The following KCTD15 variants were observed in gnomAD, a reference collection of about 807,000 sequenced individuals.
KCTD15 encodes potassium channel tetramerization domain containing 15.
In KCTD15, 11 loss-of-function variants were observed where a neutral mutation model predicts 27.2. The ratio of observed to expected loss-of-function variants is 0.41; its 90% CI spans 0.25 to 0.67. The LOEUF is 0.67. Among genes scored for constraint, KCTD15 ranks in the 30% least tolerant of loss-of-function variants. The pLI is 0.35. For synonymous variants in KCTD15, 163 were observed against 176.0 expected, an observed-to-expected ratio of 0.93 and a Z score of 0.58; for missense variants, 350 against 409.3, an observed-to-expected ratio of 0.86 and a Z score of 1.25.
At chr19:33,809,635 G>A (rs965345015) in intron 5 of KCTD15, among the ~76,000 whole-genome samples, 1 of 152,312 alleles carries the variant, frequency 6.6e-6, no homozygotes, top group East Asian at 1.9e-4. Flanking sequence ...GCTTTGGGAG[G>A]CCAAGCAGGA....
rs761940449 is a variant in KCTD15 at position 33,811,421 on chromosome 19, G to A, written c.562G>A (p.Ala188Thr). ...GCGGATCGCACTCAGCGGCGAGAAGGCCCTCATCGAGGAGGTCTTCCCCGA... is the reference window on the plus strand; with the variant it reads ...GCGGATCGCACTCAGCGGCGAGAAGACCCTCATCGAGGAGGTCTTCCCCGA... ...GERIALSGEK[A>T]LIEEVFPETG... is the part of the protein sequence containing the mutation. Residue 188 changes from alanine to threonine, a missense_variant, in exon 6 of 7, where the codon GCC becomes ACC. Physicochemically the swap from Ala to Thr is moderately conservative, Grantham distance 58. Coordinates refer to ENST00000683859, the MANE Select transcript of KCTD15 (RefSeq NM_001129994.2). 2.8e-5 allele frequency: 45 copies of A among 1,611,498 alleles called. 1 individual carries two copies. The Middle Eastern group carries it at 9.9e-4, about 35-fold the overall frequency.
At chr19:33,809,737 G>A (rs1402236789) in intron 5 of KCTD15, among the ~76,000 whole-genome samples, 1 of 152,088 alleles carries the variant, frequency 6.6e-6, no homozygotes. Context: ...CTGGCATGAT[G>A]GCTCATGCCT....
At chr19:33,794,451 T>C (rs564294678), upstream of KCTD15, among the ~76,000 whole-genome samples, 1 of 152,284 alleles carries the variant, frequency 6.6e-6, no homozygotes, top group South Asian at 2.1e-4. Flanking sequence ...TTTATATGTA[T>C]ATATTCACCC....
Position 33,813,587 on chromosome 19 carries a change from GGGC to G in KCTD15, c.*640_*642del. On this transcript the variant is annotated 3_prime_UTR_variant, in exon 7 of 7. Coordinates refer to ENST00000683859, the MANE Select transcript of KCTD15 (RefSeq NM_001129994.2). The stretch of plus-strand genomic sequence containing the variant: ...TGGGAGGAGAGTGGTGGGGGCCTGA[GGGC>G]TGAGTGATTCTGTAACCACCTGAGA... 2.9e-6 allele frequency: 1 copy of G among 350,556 alleles called. No individual in the cohort carries two copies. The highest frequency in any genetic ancestry group is 2.1e-5 in the South Asian group (1 of 47,264). 21.7% of individuals were successfully genotyped at this position (350,556 alleles called of 1,614,324 possible).
At chr19:33,811,768 CT>C (rs3215257) in intron 6 of KCTD15, 160,474 of 1,206,444 alleles carry the variant, frequency 0.13, 186 homozygotes, top group Middle Eastern at 0.14. Context: ...TCGATCTGTA[CT>C]TTTTTTTTTT....
chr19:33,809,020 T>G (rs1215729209), intron 5 of KCTD15, among the ~76,000 whole-genome samples: 1 of 152,114 alleles, frequency 6.6e-6, no homozygotes. Context: ...CTCACACCTG[T>G]AATTCTAGCG....
intron 4 of KCTD15, among the ~76,000 whole-genome samples, chr19:33,806,537 A>G (rs770578654): frequency 6.6e-6 from 1 of 151,970 alleles, no homozygotes; most frequent in South Asian, 2.1e-4. Context: ...GTTTGTGTGT[A>G]GGGGGTAAGG....
chr19:33,804,149 C>T (rs544278213), intron 4 of KCTD15, among the ~76,000 whole-genome samples: 5 of 152,232 alleles, frequency 3.3e-5, no homozygotes, highest in Non-Finnish European at 7.3e-5. Flanking sequence ...CTCACCTTTC[C>T]TCAACCTGCT....
At position 33,800,468 on chromosome 19, in the gene KCTD15, A is replaced by G; in HGVS notation, c.14A>G (p.Lys5Arg). 4.4e-6 allele frequency: 7 copies of G among 1,605,734 alleles called. No individual in the cohort carries two copies. The highest frequency in any genetic ancestry group is 5.9e-6 in the Non-Finnish European group (7 of 1,177,314). ...ATGGAAGCCTAGATGCCTCACCGCA[A>G]GGAGCGGCCGAGCGGGTCCTCGCTT... MPHR[K>R]ERPSGSSLHT... Residue 5 changes from lysine to arginine, a missense_variant, in exon 3 of 7, where the codon AAG (lysine) becomes AGG (arginine). Lys to Arg is a conservative substitution (Grantham distance 26). Transcript: ENST00000683859.
At chr19:33,797,888 G>A (rs1030700997) in intron 1 of KCTD15, among the ~76,000 whole-genome samples, 8 of 152,164 alleles carry the variant, frequency 5.3e-5, no homozygotes, top group Non-Finnish European at 7.4e-5. Flanking sequence ...AATTAGGCGA[G>A]CTTCCCATCT....
At chr19:33,804,370 G>T (rs934894687) in intron 4 of KCTD15, among the ~76,000 whole-genome samples, 3 of 152,178 alleles carry the variant, frequency 2.0e-5, no homozygotes, top group Non-Finnish European at 2.9e-5. Context: ...GGTGCATCAG[G>T]AGTCTTCTAG....
Position 33,811,301 on chromosome 19 carries a change from C to T in KCTD15, c.442C>T (p.Arg148Cys), listed in dbSNP as rs1214196246. The T allele has an allele frequency of 1.9e-6, 3 of 1,547,324 alleles. No individual in the cohort carries two copies. Among genetic ancestry groups the T allele is most frequent in the African/African-American group, 1.4e-5 (1 of 73,006 alleles). The change falls in exon 6 of 7, where the codon CGC becomes TGC. Residue 148 changes from arginine (R) to cysteine (C), a missense_variant. By Grantham distance (180) the Arg-to-Cys change is radical. Around this residue, in one of 3 missense-constraint regions of KCTD15, gnomAD observed 219 missense variants for 234.9 expected, o/e 0.93. Transcript: ENST00000683859. ...ARYYQLQPMV[R>C]ELERWQQEQE... ...CTACTATCAGCTCCAGCCCATGGTG[C>T]GCGAGCTGGAGCGCTGGCAGCAGGA...
chr19:33,794,269 G>A (rs1487695490), upstream of KCTD15, among the ~76,000 whole-genome samples: 1 of 152,166 alleles, frequency 6.6e-6, no homozygotes, highest in African/African-American at 2.4e-5. Context: ...TAGTCTTGGA[G>A]TTGTGAATAA....
In KCTD15 at chr19:33,813,386, C is replaced by T. The variant is rs1039218511; in HGVS notation, c.*438C>T. On this transcript the variant is annotated 3_prime_UTR_variant, in exon 7 of 7. Transcript: ENST00000683859. ...TACAGTATTTAAAATGGATGCAGCCCTAACTGCAAAAGTCAGAGAGGCTGA... is the reference window on the plus strand; with the variant it reads ...TACAGTATTTAAAATGGATGCAGCCTTAACTGCAAAAGTCAGAGAGGCTGA... 8.6e-6 allele frequency: 4 copies of T among 463,508 alleles called. No homozygotes were observed. The highest frequency in any genetic ancestry group is 1.7e-5 in the Non-Finnish European group (4 of 231,836). 28.7% of individuals were successfully genotyped at this position (463,508 alleles called of 1,614,324 possible). A position where few individuals can be genotyped will look rare whatever the true frequency, so the allele number is the denominator to read the frequency against.
intron 6 of KCTD15, 46 bp downstream of exon 6, chr19:33,811,598 G>A (rs1043790116): frequency 4.5e-6 from 7 of 1,568,940 alleles, no homozygotes; most frequent in African/African-American, 2.7e-5. Flanking sequence ...CCCGGCGTCC[G>A]CGGAGCCCTC....
rs1379006275 is a variant in KCTD15 at position 33,813,318 on chromosome 19, G to A, written c.*370G>A. The stretch of plus-strand genomic sequence containing the variant: ...TGTTTATCCCTCTCCACGCGGGGCA[G>A]ACTCTGGCGGGTCTCCTAGCGTCCG... On this transcript the variant is annotated 3_prime_UTR_variant, in exon 7 of 7. Coordinates refer to ENST00000683859, the MANE Select transcript of KCTD15 (RefSeq NM_001129994.2). The A allele has an allele frequency of 3.8e-6, 2 of 526,778 alleles. No individual in the cohort carries two copies. The highest frequency in any genetic ancestry group is 7.3e-6 in the Non-Finnish European group (2 of 273,596). 32.6% of individuals were successfully genotyped at this position (526,778 alleles called of 1,614,324 possible).
chr19:33,801,916 G>A (rs1418769142), intron 4 of KCTD15, among the ~76,000 whole-genome samples: 2 of 152,176 alleles, frequency 1.3e-5, no homozygotes, highest in African/African-American at 4.8e-5. Context: ...AGCTGGTGCT[G>A]CAGTGACTAG....
chr19:33,795,989 G>C (rs1017429749), upstream of KCTD15: 3 of 152,090 alleles, frequency 2.0e-5, no homozygotes, highest in African/African-American at 7.2e-5. Flanking sequence ...CCTGGCCCCC[G>C]GCTCCGCTCC....
Position 33,814,903 on chromosome 19 carries a change from A to G in KCTD15, c.*1955A>G, listed in dbSNP as rs1190289475. 1 of 152,276 alleles carries G rather than the reference A, an allele frequency of 6.6e-6. No homozygotes were observed. Among genetic ancestry groups the G allele is most frequent in the East Asian group, 1.9e-4 (1 of 5,204 alleles). The allele number at this position is 152,276 out of a possible 1,614,324, so 9.4% of individuals were successfully genotyped here. A position where few individuals can be genotyped will look rare whatever the true frequency, so the allele number is the denominator to read the frequency against. On this transcript the variant is annotated 3_prime_UTR_variant, in exon 7 of 7. Coordinates refer to ENST00000683859, the MANE Select transcript of KCTD15 (RefSeq NM_001129994.2). Reference sequence around the variant, plus strand: ...CTCCCTGTCCAAGGCCGCAGAGCAGACGCCATCCCACTGTACAATCGAATT... The same window carrying G: ...CTCCCTGTCCAAGGCCGCAGAGCAGGCGCCATCCCACTGTACAATCGAATT...
Sources: allele counts gnomAD v4.1 joint callset (sites outside exome capture counted in the v4.1 genomes callset), GRCh38; gene constraint gnomAD v4.1.1; regional missense constraint gnomAD v4.1.1; transcripts MANE v1.5; gene names NCBI Gene and HGNC (gene_info 2026-07-23, HGNC 2026-07-21).